CRTC1: variants seen among roughly 807,000 people sequenced by gnomAD.
CRTC1 encodes CREB-regulated transcription coactivator 1.
Under a neutral mutation model 66.1 loss-of-function variants are expected in CRTC1, and 18 were observed. The ratio of observed to expected loss-of-function variants is 0.27; its 90% CI spans 0.19 to 0.40. The LOEUF (loss-of-function observed/expected upper bound fraction) is 0.40, where lower values mean the gene tolerates loss of function less well. CRTC1 is among the 10% of genes least tolerant of loss of function. The pLI is 1.00. For synonymous variants in CRTC1, 416 were observed against 398.8 expected, an observed-to-expected ratio of 1.04 and a Z score of -0.51; for missense variants, 669 against 887.9, an observed-to-expected ratio of 0.75 and a Z score of 3.13.
At chr19:18,743,629 TG>T (rs76431394) in intron 2 of CRTC1, among the ~76,000 whole-genome samples, 35,800 of 150,942 alleles carry the variant, frequency 0.24, 4,613 homozygotes, top group African/African-American at 0.34. Context: ...CAGGTCCCCC[TG>T]GGGGGGGGTC....
intron 1 of CRTC1, among the ~76,000 whole-genome samples, chr19:18,722,127 T>C (rs11085242): frequency 0.81 from 123,441 of 152,270 alleles, 50,875 homozygotes; most frequent in East Asian, 1. Context: ...CTGACTAAGT[T>C]CCAGATGAGA....
intron 1 of CRTC1, among the ~76,000 whole-genome samples, chr19:18,714,689 C>A (rs1203975672): frequency 6.6e-6 from 1 of 152,236 alleles, no homozygotes; most frequent in Non-Finnish European, 1.5e-5. Flanking sequence ...TGCTGTGATC[C>A]CCAGAAAGGT....
chr19:18,704,108 G>A (rs1369686773), intron 1 of CRTC1, among the ~76,000 whole-genome samples: 1 of 152,148 alleles, frequency 6.6e-6, no homozygotes, highest in African/African-American at 2.4e-5. Flanking sequence ...TGAAGTGCTC[G>A]TTTTCTTTTT....
intron 11 of CRTC1, among the ~76,000 whole-genome samples, chr19:18,773,617 C>T (rs144989412): frequency 1.3e-5 from 2 of 152,330 alleles, no homozygotes; most frequent in Non-Finnish European, 2.9e-5. Context: ...TCCCTCGCCT[C>T]GGGCAAACCA....
rs964202280 is a variant in CRTC1 at position 18,771,816 on chromosome 19, T to G, written c.1425+270T>G. On this transcript the variant is annotated intron_variant, in intron 11 of 13. Transcript: ENST00000321949. This position sits in a 1 kb window ranked among gnomAD's most constrained non-coding sequence, Gnocchi z 4.6. Reference sequence around the variant, plus strand: ...GCGTTAGTGACATTAGCGATGGCTGTGGCCCTGCCTGGATGTCCTCATTGA... The same window carrying G: ...GCGTTAGTGACATTAGCGATGGCTGGGGCCCTGCCTGGATGTCCTCATTGA... Among the ~76,000 whole-genome samples the G allele has an allele frequency of 3.9e-5, 6 of 152,174 alleles. No homozygotes were observed. Among genetic ancestry groups the G allele is most frequent in the African/African-American group, 1.4e-4 (6 of 41,420 alleles).
chr19:18,714,137 C>T (rs1200641043), intron 1 of CRTC1, among the ~76,000 whole-genome samples: 1 of 152,150 alleles, frequency 6.6e-6, no homozygotes, highest in Non-Finnish European at 1.5e-5. Context: ...CAAGGCCACC[C>T]TCCACAGCCC....
At chr19:18,697,261 G>A (rs2053013971) in intron 1 of CRTC1, among the ~76,000 whole-genome samples, 1 of 152,162 alleles carries the variant, frequency 6.6e-6, no homozygotes, top group Admixed American at 6.5e-5. Context: ...ACCGGGGGGA[G>A]CAGCCTCATC....
chr19:18,684,611 C>T (rs1288409836), intron 1 of CRTC1, among the ~76,000 whole-genome samples: 1 of 152,088 alleles, frequency 6.6e-6, no homozygotes, highest in Non-Finnish European at 1.5e-5. Flanking sequence ...CTCCATGTAG[C>T]CCATATGGTG....
intron 1 of CRTC1, among the ~76,000 whole-genome samples, chr19:18,725,630 G>C (rs2053733396): frequency 6.6e-6 from 1 of 152,148 alleles, no homozygotes; most frequent in Admixed American, 6.5e-5. Context: ...TGCATCCCTG[G>C]GGAGGCCTGG....
intron 2 of CRTC1, chr19:18,744,039 C>T (rs530854652): frequency 6.4e-7 from 1 of 1,557,934 alleles, no homozygotes; most frequent in Non-Finnish European, 8.8e-7. Flanking sequence ...GGGGGAGGTC[C>T]CACGCATCCC....
intron 1 of CRTC1, among the ~76,000 whole-genome samples, chr19:18,727,117 G>A (rs1047350612): frequency 6.6e-6 from 1 of 152,020 alleles, no homozygotes; most frequent in Non-Finnish European, 1.5e-5. Flanking sequence ...AGGCTTGGTG[G>A]TGTGCTCCTG....
At chr19:18,699,315 G>A (rs1036069829) in intron 1 of CRTC1, among the ~76,000 whole-genome samples, 4 of 152,226 alleles carry the variant, frequency 2.6e-5, no homozygotes, top group Non-Finnish European at 4.4e-5. Context: ...GGGCCCTGAA[G>A]TGAGAAGAGT....
rs2054116518 is a variant in CRTC1, at chr19:18,741,804, C to A, written c.127-1106C>A. Among the ~76,000 whole-genome samples the A allele has an allele frequency of 6.6e-6, 1 of 152,216 alleles. No homozygotes were observed. Among genetic ancestry groups the A allele is most frequent in the African/African-American group, 2.4e-5 (1 of 41,454 alleles). ...TCAGCTCACAGGAAACAGCTGTTTA[C>A]CTGGGCGAGGTGCTCAGCCGGGCAG... On this transcript the variant is annotated intron_variant, in intron 1 of 13. Transcript: ENST00000321949. This position sits in a 1 kb window ranked among gnomAD's most constrained non-coding sequence, Gnocchi z 4.2.
At chr19:18,732,222 A>G (rs2053905653) in intron 1 of CRTC1, among the ~76,000 whole-genome samples, 1 of 152,222 alleles carries the variant, frequency 6.6e-6, no homozygotes, top group Non-Finnish European at 1.5e-5. Context: ...GCGAGGCTGT[A>G]TTTGGAGGTG....
At chr19:18,709,064 G>A (rs933682165) in intron 1 of CRTC1, among the ~76,000 whole-genome samples, 3 of 152,216 alleles carry the variant, frequency 2.0e-5, no homozygotes, top group Non-Finnish European at 4.4e-5. Context: ...CATGGTGCTC[G>A]GAGGTGCAGG....
At chr19:18,764,842 G>C (rs1048403640) in intron 8 of CRTC1, among the ~76,000 whole-genome samples, 1 of 152,178 alleles carries the variant, frequency 6.6e-6, no homozygotes, top group Non-Finnish European at 1.5e-5. Context: ...CTGAAGGAGG[G>C]CAAGATCCAC....
At chr19:18,689,875 C>T (rs1438785792) in intron 1 of CRTC1, among the ~76,000 whole-genome samples, 2 of 151,812 alleles carry the variant, frequency 1.3e-5, no homozygotes, top group Admixed American at 1.3e-4. Context: ...GCCGGGTCCT[C>T]TGGTAACTCT....
At chr19:18,708,871 C>T (rs939656239) in intron 1 of CRTC1, among the ~76,000 whole-genome samples, 4 of 152,200 alleles carry the variant, frequency 2.6e-5, no homozygotes, top group Admixed American at 6.5e-5. Context: ...CTGCCCACGC[C>T]GTGGCAAGCC....
At position 18,689,583 on chromosome 19, in the gene CRTC1, A is replaced by ATATATATATATATATATATATATGTATG. The variant is rs60084986; in HGVS notation, c.126+5758_126+5759insATATATATATATATATATATGTATGTAT. ...GATGGCCATATATATATATATATAT[A>ATATATATATATATATATATATATGTATG]TATGTAATATAACACTTACCATTTT... On this transcript the variant is annotated intron_variant, in intron 1 of 13. Transcript: ENST00000321949. Among the ~76,000 whole-genome samples, 5 of 65,730 alleles carry ATATATATATATATATATATATATGTATG rather than the reference A, an allele frequency of 7.6e-5. No homozygotes were observed. The South Asian group carries it at 1.9e-3, about 25-fold the overall frequency. 43.1% of individuals were successfully genotyped at this position (65,730 alleles called of 152,430 possible). A position where few individuals can be genotyped will look rare whatever the true frequency, so the allele number is the denominator to read the frequency against.
Sources: gnomAD v4.1 joint callset for allele counts (sites outside exome capture counted in the v4.1 genomes callset) on GRCh38, gnomAD v4.1.1 for gene constraint, Gnocchi (gnomAD v3.1) non-coding constraint, MANE v1.5 for transcripts, NCBI Gene and HGNC (gene_info 2026-07-23, HGNC 2026-07-21) for gene names.